SLCO1B1: variants seen among roughly 807,000 people sequenced by gnomAD.
The protein encoded by SLCO1B1 is solute carrier organic anion transporter family member 1B1.
In SLCO1B1, 81 loss-of-function variants were observed where a neutral mutation model predicts 70.1. That is an observed-to-expected ratio of 1.16 (90% CI 0.97 to 1.39). The LOEUF (loss-of-function observed/expected upper bound fraction) is 1.39. Ranked by LOEUF, SLCO1B1 falls within the 40% of genes most tolerant of loss-of-function variation. SLCO1B1 has a pLI of 0.00. For synonymous variants in SLCO1B1, 283 were observed against 271.5 expected (o/e 1.04, Z -0.42); for missense variants, 895 against 799.6 (o/e 1.12, Z -1.44).
At chr12:21,238,949 T>C (rs1480043417) in intron 14 of SLCO1B1, 30 bp from the exon 15 acceptor site, 1 of 1,346,284 alleles carries the variant, frequency 7.4e-7, no homozygotes, top group African/African-American at 1.4e-5. Context: ...TTTAAACTGA[T>C]TTATTGTTTT....
intron 7 of SLCO1B1, among the ~76,000 whole-genome samples, chr12:21,180,073 G>A (rs1355518385): frequency 6.6e-6 from 1 of 151,986 alleles, no homozygotes; most frequent in African/African-American, 2.4e-5. Flanking sequence ...TCTATCATTT[G>A]CGTTAATTGA....
intron 1 of SLCO1B1, among the ~76,000 whole-genome samples, chr12:21,133,979 T>G (rs529640114): frequency 6.6e-6 from 1 of 152,202 alleles, no homozygotes; most frequent in African/African-American, 2.4e-5. Context: ...TTGTCATAGA[T>G]AGCTCTTATT....
chr12:21,156,846 A>G (rs191878851), intron 2 of SLCO1B1, among the ~76,000 whole-genome samples: 1 of 152,196 alleles, frequency 6.6e-6, no homozygotes, highest in Non-Finnish European at 1.5e-5. Context: ...TTGGTGCTCA[A>G]CTCTCTTCCT....
At chr12:21,192,562 G>GTT (rs1042125201) in intron 7 of SLCO1B1, among the ~76,000 whole-genome samples, 1 of 147,544 alleles carries the variant, frequency 6.8e-6, no homozygotes, top group African/African-American at 2.5e-5. Flanking sequence ...TTTTTCTAAT[G>GTT]TTTTTTTTTC....
chr12:21,183,001 G>A (rs1429524641), intron 7 of SLCO1B1, among the ~76,000 whole-genome samples: 1 of 152,230 alleles, frequency 6.6e-6, no homozygotes, highest in Non-Finnish European at 1.5e-5. Context: ...TGGCACCAGT[G>A]ACCAGAGCGG....
chr12:21,141,393 AG>A, intron 1 of SLCO1B1, 120 bp from the exon 2 acceptor site: 2 of 460,816 alleles, frequency 4.3e-6, no homozygotes, highest in Non-Finnish European at 8.0e-6. Flanking sequence ...GTAACGACAT[AG>A]TAGACCCTGA....
At chr12:21,234,310 T>A (rs189817781) in intron 14 of SLCO1B1, among the ~76,000 whole-genome samples, 1 of 152,280 alleles carries the variant, frequency 6.6e-6, no homozygotes, top group Admixed American at 6.5e-5. Flanking sequence ...CTGCAAAATA[T>A]ATCAAGTATT....
intron 11 of SLCO1B1, among the ~76,000 whole-genome samples, chr12:21,211,156 C>T (rs1468670938): frequency 2.6e-5 from 4 of 152,174 alleles, no homozygotes; most frequent in Admixed American, 1.3e-4. Flanking sequence ...AAACGGAATG[C>T]TTCCAGTTTT....
intron 1 of SLCO1B1, among the ~76,000 whole-genome samples, chr12:21,139,020 G>A (rs1199612762): frequency 6.6e-6 from 1 of 152,108 alleles, no homozygotes; most frequent in East Asian, 1.9e-4. Flanking sequence ...AAAGGTGGGA[G>A]ACAGGACAAA....
chr12:21,187,845 T>C (rs1238731294), intron 7 of SLCO1B1, among the ~76,000 whole-genome samples: 2 of 152,052 alleles, frequency 1.3e-5, no homozygotes, highest in East Asian at 3.9e-4. Flanking sequence ...GATATCGGTA[T>C]TGGAGAAATT....
At position 21,207,686 on chromosome 12, in the gene SLCO1B1, T is replaced by C. The variant is rs535087414; in HGVS notation, c.1497+1653T>C. Among the ~76,000 whole-genome samples, 17 of 152,174 alleles carry C rather than the reference T, an allele frequency of 1.1e-4. No homozygotes were observed. In the South Asian group the frequency reaches 2.1e-3, roughly 19 times the overall value. On this transcript the variant is annotated intron_variant, in intron 11 of 14. Transcript: ENST00000256958. ...GTAGTGGGATTGCTGAGTTGAATGG[T>C]AGTTCTGTTTAAGTTCTTTGGGAAA...
At chr12:21,135,430 G>T (rs2121024772) in intron 1 of SLCO1B1, among the ~76,000 whole-genome samples, 1 of 152,218 alleles carries the variant, frequency 6.6e-6, no homozygotes, top group Non-Finnish European at 1.5e-5. Context: ...TGTTGACAGT[G>T]GGGTGTTAAA....
At chr12:21,135,217 G>C (rs141017165) in intron 1 of SLCO1B1, among the ~76,000 whole-genome samples, 1 of 152,152 alleles carries the variant, frequency 6.6e-6, no homozygotes, top group African/African-American at 2.4e-5. Flanking sequence ...TATAATTTCT[G>C]TTCTTTTCCA....
intron 11 of SLCO1B1, among the ~76,000 whole-genome samples, chr12:21,212,403 G>C: frequency 7.9e-6 from 1 of 126,986 alleles, no homozygotes; most frequent in Admixed American, 8.4e-5. Context: ...CTGAGTTCTA[G>C]TTTGATTGCA....
chr12:21,194,572 C>A (rs1941070525), intron 7 of SLCO1B1, among the ~76,000 whole-genome samples: 1 of 152,070 alleles, frequency 6.6e-6, no homozygotes, highest in Middle Eastern at 3.2e-3. Flanking sequence ...TGGTCATAAT[C>A]ATTTATCAGT....
At chr12:21,220,826 A>AG (rs201662188) in intron 12 of SLCO1B1, among the ~76,000 whole-genome samples, 27,621 of 149,684 alleles carry the variant, frequency 0.18, 2,897 homozygotes, top group East Asian at 0.45. Context: ...AAAAAAAAAA[A>AG]AAAAGAAAAG....
chr12:21,145,670 A>G (rs1016716212), intron 2 of SLCO1B1, among the ~76,000 whole-genome samples: 16 of 151,962 alleles, frequency 1.1e-4, no homozygotes, highest in African/African-American at 3.6e-4. Context: ...CGAGTAATAC[A>G]TAAATGAAAA....
intron 2 of SLCO1B1, among the ~76,000 whole-genome samples, chr12:21,163,527 A>G (rs1181548144): frequency 6.6e-6 from 1 of 152,176 alleles, no homozygotes; most frequent in Non-Finnish European, 1.5e-5. Flanking sequence ...GTCTTAGTCA[A>G]TTCAGGCTGC....
chr12:21,153,238 T>C (rs946349957), intron 2 of SLCO1B1, among the ~76,000 whole-genome samples: 7 of 152,164 alleles, frequency 4.6e-5, no homozygotes, highest in African/African-American at 7.2e-5. Flanking sequence ...TCCTTGAAGG[T>C]TTCCAGAGCC....
Sources: allele counts gnomAD v4.1 joint callset (sites outside exome capture counted in the v4.1 genomes callset), GRCh38; gene constraint gnomAD v4.1.1; transcripts MANE v1.5; gene names NCBI Gene and HGNC (gene_info 2026-07-23, HGNC 2026-07-21).